UBOX5: variants seen among roughly 807,000 people sequenced by gnomAD.
UBOX5 encodes RING finger protein 37.
UBOX5 carries 28 observed loss-of-function variants against 39.0 expected under a neutral mutation model. That is an observed-to-expected ratio of 0.72 (90% CI 0.53 to 0.98). UBOX5 has a LOEUF of 0.98. Among genes scored for constraint, UBOX5 ranks in the 50% least tolerant of loss-of-function variants. UBOX5 has a pLI of 0.00. For synonymous variants in UBOX5, 283 were observed against 275.5 expected, an observed-to-expected ratio of 1.03 and a Z score of -0.27; for missense variants, 585 against 674.4, an observed-to-expected ratio of 0.87 and a Z score of 1.47.
intron 4 of UBOX5, 77 bp downstream of exon 4, chr20:3,115,228 G>A (rs1025622380): frequency 8.0e-6 from 12 of 1,498,680 alleles, no homozygotes; most frequent in Non-Finnish European, 1.1e-5. Context: ...AGCCCCCAGG[G>A]ACTCGGCCCA....
At chr20:3,114,245 T>C (rs370037736) in intron 4 of UBOX5, among the ~76,000 whole-genome samples, 2 of 152,106 alleles carry the variant, frequency 1.3e-5, no homozygotes, top group African/African-American at 4.8e-5. Flanking sequence ...GATGTGAGTT[T>C]TCACTTGGGT....
chr20:3,112,392 C>G (rs1273124102), intron 4 of UBOX5, among the ~76,000 whole-genome samples: 1 of 148,830 alleles, frequency 6.7e-6, no homozygotes, highest in Non-Finnish European at 1.5e-5. Context: ...TAAAAGATCT[C>G]AGAGGCCCAG....
At chr20:3,133,762 G>A (rs985218761) in intron 1 of UBOX5, among the ~76,000 whole-genome samples, 1 of 150,580 alleles carries the variant, frequency 6.6e-6, no homozygotes, top group Non-Finnish European at 1.5e-5. Flanking sequence ...TTTTTGGGGG[G>A]GGGAAACAGG....
intron 1 of UBOX5, among the ~76,000 whole-genome samples, chr20:3,143,831 C>T (rs2066538623): frequency 2.0e-5 from 3 of 151,964 alleles, no homozygotes; most frequent in Admixed American, 6.6e-5. Context: ...TGGTGGCATG[C>T]ACCTGTAGTA....
intron 4 of UBOX5, among the ~76,000 whole-genome samples, chr20:3,113,649 G>A (rs760581191): frequency 6.6e-6 from 1 of 152,100 alleles, no homozygotes; most frequent in Non-Finnish European, 1.5e-5. Flanking sequence ...GGGGGAGGAT[G>A]GACAGGACCT....
chr20:3,121,540 C>T lies in UBOX5; in HGVS notation c.1099G>A (p.Glu367Lys). Residue 367 changes from glutamate to lysine, a missense_variant, in exon 3 of 5, where the codon GAG (glutamate) becomes AAG (lysine). By Grantham distance (56) the Glu-to-Lys change is moderately conservative. Coordinates refer to ENST00000217173, the MANE Select transcript of UBOX5 (RefSeq NM_014948.4). ...CTGTCTGGGACATGTTCAGCCTGCT[C>T]TATCTTCCTTTTCTGAGAGGGCAGA... ...IVLPSQKRKI[E>K]QAEHVPDSNF... The T allele has an allele frequency of 6.2e-7, 1 of 1,612,570 alleles. No individual in the cohort carries two copies. Among genetic ancestry groups the T allele is most frequent in the Admixed American group, 1.7e-5 (1 of 59,652 alleles).
At position 3,121,355 on chromosome 20, in the gene UBOX5, C is replaced by A. The variant is rs199680906; in HGVS notation, c.1255+29G>T. ...GCTCCTGGGAAGGAGATGGATGAGC[C>A]TGGCTGCGGACACAGGATGCTGAAT... On this transcript the variant is annotated intron_variant, in intron 3 of 4. Coordinates refer to ENST00000217173, the MANE Select transcript of UBOX5 (RefSeq NM_014948.4). The A allele has an allele frequency of 1.5e-4, 243 of 1,581,334 alleles. 1 individual carries two copies. The highest frequency in any genetic ancestry group is 4.5e-5 in the Non-Finnish European group (52 of 1,163,290).
chr20:3,157,736 T>G (rs918161327), intron 1 of UBOX5, among the ~76,000 whole-genome samples: 1 of 152,246 alleles, frequency 6.6e-6, no homozygotes, highest in Non-Finnish European at 1.5e-5. Context: ...AGTAGCTGCA[T>G]GCACACAGTC....
chr20:3,139,259 C>A (rs1230732763), intron 1 of UBOX5, among the ~76,000 whole-genome samples: 3 of 152,160 alleles, frequency 2.0e-5, no homozygotes, highest in Non-Finnish European at 2.9e-5. Flanking sequence ...TGCAAAAAAA[C>A]CAGAACACAG....
intron 1 of UBOX5, among the ~76,000 whole-genome samples, chr20:3,142,343 G>A (rs1252338872): frequency 6.6e-6 from 1 of 151,430 alleles, no homozygotes; most frequent in African/African-American, 2.4e-5. Flanking sequence ...GCTTATGCCT[G>A]TAATCTCAGC....
At chr20:3,129,181 A>G (rs2066411883) in intron 1 of UBOX5, among the ~76,000 whole-genome samples, 1 of 152,144 alleles carries the variant, frequency 6.6e-6, no homozygotes, top group Non-Finnish European at 1.5e-5. Flanking sequence ...GCACTCATCA[A>G]AATATAAGTT....
At chr20:3,117,521 T>C (rs2066302601) in intron 3 of UBOX5, among the ~76,000 whole-genome samples, 1 of 151,950 alleles carries the variant, frequency 6.6e-6, no homozygotes, top group South Asian at 2.1e-4. Context: ...CCGTCTCTAA[T>C]AAAATACGAA....
chr20:3,154,279 G>C (rs1005552832), intron 1 of UBOX5, among the ~76,000 whole-genome samples: 2 of 152,156 alleles, frequency 1.3e-5, no homozygotes, highest in African/African-American at 4.8e-5. Flanking sequence ...TACTTCTACC[G>C]GATAATCCGG....
At chr20:3,155,270 CTG>C (rs1166390456) in intron 1 of UBOX5, among the ~76,000 whole-genome samples, 1 of 151,988 alleles carries the variant, frequency 6.6e-6, no homozygotes, top group African/African-American at 2.4e-5. Context: ...CGGCTCAAGT[CTG>C]TAATCCCAGC....
chr20:3,146,105 C>A (rs547714670), intron 1 of UBOX5, among the ~76,000 whole-genome samples: 4 of 151,484 alleles, frequency 2.6e-5, no homozygotes, highest in Middle Eastern at 7.0e-3. Context: ...ATTTGGGAGG[C>A]CAAGGCAGGC....
At chr20:3,117,952 A>G (rs566694192) in intron 3 of UBOX5, among the ~76,000 whole-genome samples, 15 of 152,154 alleles carry the variant, frequency 9.9e-5, no homozygotes, top group African/African-American at 3.4e-4. Flanking sequence ...AGATTGCGAC[A>G]CTGCACTCCA....
intron 1 of UBOX5, among the ~76,000 whole-genome samples, chr20:3,125,876 G>A (rs866116448): frequency 2.9e-4 from 42 of 144,896 alleles, no homozygotes; most frequent in Middle Eastern, 4.2e-3. Context: ...CTGCCTGGCC[G>A]CCACCCCGTC....
intron 1 of UBOX5, among the ~76,000 whole-genome samples, chr20:3,141,057 T>C (rs2066513890): frequency 6.6e-6 from 1 of 151,788 alleles, no homozygotes; most frequent in African/African-American, 2.4e-5. Flanking sequence ...TAGCTGGGAT[T>C]ACAGACACGT....
intron 1 of UBOX5, among the ~76,000 whole-genome samples, chr20:3,126,000 C>T (rs1259624616): frequency 3.3e-5 from 5 of 152,230 alleles, no homozygotes; most frequent in East Asian, 1.9e-4. Flanking sequence ...TGCAGGTGTA[C>T]CCAATAGCTC....
Sources: allele counts gnomAD v4.1 joint callset (sites outside exome capture counted in the v4.1 genomes callset), GRCh38; gene constraint gnomAD v4.1.1; transcripts MANE v1.5; gene names NCBI Gene and HGNC (gene_info 2026-07-23, HGNC 2026-07-21).